The following L3MBTL4 variants were observed in gnomAD, a reference collection of about 807,000 sequenced individuals.
L3MBTL4 encodes lethal(3)malignant brain tumor-like protein 4.
In L3MBTL4, 70 loss-of-function variants were observed where a neutral mutation model predicts 84.5. The observed-to-expected ratio is 0.83, with a 90% CI of 0.68 to 1.01. The LOEUF (loss-of-function observed/expected upper bound fraction) is 1.01, where lower values mean the gene tolerates loss of function less well. L3MBTL4 is among the 50% of genes least tolerant of loss of function. The pLI, the probability that L3MBTL4 is intolerant of heterozygous loss-of-function variation, is 0.00. For synonymous variants in L3MBTL4, 274 were observed against 259.8 expected, an observed-to-expected ratio of 1.05 and a Z score of -0.52; for missense variants, 715 against 754.8, an observed-to-expected ratio of 0.95 and a Z score of 0.62.
chr18:6,208,823 C>A (rs139832524), intron 12 of L3MBTL4, among the ~76,000 whole-genome samples: 1 of 152,256 alleles, frequency 6.6e-6, no homozygotes, highest in East Asian at 1.9e-4. Flanking sequence ...TAGAGAGCAA[C>A]CATCATAATT....
intron 12 of L3MBTL4, among the ~76,000 whole-genome samples, chr18:6,197,177 C>T (rs1458692750): frequency 6.6e-6 from 1 of 152,128 alleles, no homozygotes. Flanking sequence ...TAAACGTGTG[C>T]CATGGTGGTT....
chr18:6,323,346 G>A (rs2051526989), intron 1 of L3MBTL4, among the ~76,000 whole-genome samples: 1 of 152,192 alleles, frequency 6.6e-6, no homozygotes, highest in Admixed American at 6.5e-5. Flanking sequence ...GAAGAGTCTA[G>A]GGGGCTCAGA....
intron 1 of L3MBTL4, among the ~76,000 whole-genome samples, chr18:6,409,412 C>G (rs1318437327): frequency 1.3e-5 from 2 of 152,266 alleles, no homozygotes; most frequent in East Asian, 3.9e-4. Flanking sequence ...AACCATTGAC[C>G]CTTCAGGAAC....
At chr18:6,280,281 A>G (rs1261038413) in intron 4 of L3MBTL4, among the ~76,000 whole-genome samples, 2 of 152,232 alleles carry the variant, frequency 1.3e-5, no homozygotes, top group East Asian at 3.8e-4. Context: ...AAATCCCTGG[A>G]AAGTGCATTC....
intron 16 of L3MBTL4, among the ~76,000 whole-genome samples, chr18:6,045,809 T>C (rs894934405): frequency 4.6e-5 from 7 of 152,134 alleles, no homozygotes; most frequent in Non-Finnish European, 7.3e-5. Flanking sequence ...CCATAGACCC[T>C]AAAAAGCAAC....
intron 16 of L3MBTL4, among the ~76,000 whole-genome samples, chr18:5,987,796 T>G (rs1348389599): frequency 4.6e-5 from 7 of 152,178 alleles, no homozygotes; most frequent in African/African-American, 1.7e-4. Context: ...ACTGATAAAC[T>G]GGGACATTCA....
At chr18:6,061,518 T>C (rs1193465246) in intron 16 of L3MBTL4, among the ~76,000 whole-genome samples, 1 of 152,100 alleles carries the variant, frequency 6.6e-6, no homozygotes, top group African/African-American at 2.4e-5. Context: ...AGTTTCTTTT[T>C]CATGGTTTGT....
intron 14 of L3MBTL4, among the ~76,000 whole-genome samples, chr18:6,119,483 G>C (rs1411005299): frequency 6.6e-6 from 1 of 151,940 alleles, no homozygotes; most frequent in Non-Finnish European, 1.5e-5. Context: ...AGAATTCTTA[G>C]ATAAACGTGT....
At chr18:6,389,895 A>C (rs1213558125) in intron 1 of L3MBTL4, among the ~76,000 whole-genome samples, 3 of 151,324 alleles carry the variant, frequency 2.0e-5, no homozygotes, top group Admixed American at 2.0e-4. Flanking sequence ...GATCATCAAG[A>C]CAGAATGTCA....
At chr18:5,959,475 A>G (rs1221316708) in intron 18 of L3MBTL4, among the ~76,000 whole-genome samples, 1 of 152,172 alleles carries the variant, frequency 6.6e-6, no homozygotes, top group Non-Finnish European at 1.5e-5. Context: ...CGGGGCCCCT[A>G]TAGCTATGGA....
intron 15 of L3MBTL4, among the ~76,000 whole-genome samples, chr18:6,089,214 T>C (rs1267404008): frequency 6.6e-6 from 1 of 152,224 alleles, no homozygotes; most frequent in East Asian, 1.9e-4. Flanking sequence ...TTCTTTATGA[T>C]GAAAATGTTT....
intron 16 of L3MBTL4, among the ~76,000 whole-genome samples, chr18:5,996,938 G>A (rs1243540076): frequency 6.6e-6 from 1 of 152,100 alleles, no homozygotes; most frequent in Admixed American, 6.5e-5. Context: ...CAGTTCATTT[G>A]GGGATTTAAA....
chr18:6,087,020 C>T (rs1170304368), intron 15 of L3MBTL4, among the ~76,000 whole-genome samples: 1 of 152,202 alleles, frequency 6.6e-6, no homozygotes, highest in Non-Finnish European at 1.5e-5. Flanking sequence ...CTTGTCCTGA[C>T]ACTTACTAGT....
At chr18:6,364,919 T>C (rs2053863548) in intron 1 of L3MBTL4, among the ~76,000 whole-genome samples, 1 of 151,926 alleles carries the variant, frequency 6.6e-6, no homozygotes, top group Admixed American at 6.6e-5. Flanking sequence ...TCCATACCAA[T>C]AGAAAAAAGA....
chr18:6,365,044 T>C (rs184544745), intron 1 of L3MBTL4, among the ~76,000 whole-genome samples: 45 of 152,276 alleles, frequency 3.0e-4, no homozygotes, highest in South Asian at 8.3e-4. Context: ...CATGCTGTTG[T>C]TACTACATAT....
chr18:6,023,843 G>A (rs534441616), intron 16 of L3MBTL4, among the ~76,000 whole-genome samples: 25 of 152,016 alleles, frequency 1.6e-4, no homozygotes, highest in African/African-American at 5.8e-4. Context: ...GCCCAAGTTC[G>A]TGCAGTGTTT....
chr18:6,194,184 T>C (rs1445044994), intron 12 of L3MBTL4, among the ~76,000 whole-genome samples: 6 of 152,216 alleles, frequency 3.9e-5, no homozygotes, highest in African/African-American at 1.4e-4. Context: ...CGTACAGTGA[T>C]CAGCTTCCTG....
chr18:6,278,065 T>C (rs944181629), intron 4 of L3MBTL4, among the ~76,000 whole-genome samples: 1 of 152,124 alleles, frequency 6.6e-6, no homozygotes, highest in African/African-American at 2.4e-5. Context: ...TTTTAATCTC[T>C]TCTTTCCAAA....
At chr18:6,150,174 T>C (rs889207892) in intron 13 of L3MBTL4, among the ~76,000 whole-genome samples, 3 of 152,186 alleles carry the variant, frequency 2.0e-5, no homozygotes, top group African/African-American at 7.2e-5. Flanking sequence ...TAGTTGCTGA[T>C]AGAAATGTCA....
Sources: allele counts gnomAD v4.1 joint callset (sites outside exome capture counted in the v4.1 genomes callset), GRCh38; gene constraint gnomAD v4.1.1; transcripts MANE v1.5; gene names NCBI Gene and HGNC (gene_info 2026-07-23, HGNC 2026-07-21).